Variants in ACE observed in about 807,000 individuals in gnomAD.
ACE encodes the protein angiotensin-converting enzyme.
ACE carries 122 observed loss-of-function variants against 162.3 expected under a neutral mutation model. That is an observed-to-expected ratio of 0.75 (90% CI 0.65 to 0.87). ACE has a LOEUF of 0.87. ACE is among the 40% of genes least tolerant of loss of function. The pLI is 0.00. For missense variants in ACE, 1,799 were observed against 1,735.1 expected (o/e 1.04, Z -0.65); for synonymous variants, 796 against 720.6 (o/e 1.10, Z -1.68).
chr17:63,495,489 G>A (rs2030672216), intron 22 of ACE, among the ~76,000 whole-genome samples: 1 of 152,220 alleles, frequency 6.6e-6, no homozygotes, highest in African/African-American at 2.4e-5. Flanking sequence ...ACATCATCAA[G>A]TGCTAATAAC....
In ACE at chr17:63,477,144, C is replaced by A. The variant is rs1441805434; in HGVS notation, c.50C>A (p.Pro17Gln). 3.5e-6 allele frequency: 5 copies of A among 1,438,558 alleles called. No individual in the cohort carries two copies. The highest frequency in any genetic ancestry group is 4.6e-6 in the Non-Finnish European group (5 of 1,095,900). 89.1% of individuals were successfully genotyped at this position (1,438,558 alleles called of 1,614,324 possible). A position where few individuals can be genotyped will look rare whatever the true frequency, so the allele number is the denominator to read the frequency against. ...GGGCCGGGGCTGCTGCTGCCGCTGC[C>A]GCTGCTGTTGCTGCTGCCGCCGCAG... ...RRGPGLLLPLPLLLLLPPQPA... is the reference protein window; with the variant it reads ...RRGPGLLLPLQLLLLLPPQPA... Residue 17 changes from proline to glutamine, a missense_variant, in exon 1 of 25, where the codon CCG becomes CAG. Coordinates refer to ENST00000290866, the MANE Select transcript of ACE (RefSeq NM_000789.4).
At chr17:63,483,737 A>C in intron 10 of ACE, 112 bp from the exon 11 acceptor site, 1 of 1,582,080 alleles carries the variant, frequency 6.3e-7, no homozygotes, top group South Asian at 1.1e-5. Flanking sequence ...TTCTCCCCCA[A>C]GATAGCTTCT....
At position 63,491,085 on chromosome 17, in the gene ACE, C is replaced by A; in HGVS notation, c.2739+34C>A. The A allele has an allele frequency of 6.2e-7, 1 of 1,612,360 alleles. No homozygotes were observed. The highest frequency in any genetic ancestry group is 1.1e-5 in the South Asian group (1 of 91,012). Reference sequence around the variant, plus strand: ...CAGCCCAGGGGCAGGGAGGCCCCGCCGGGATGGGAGGGACCCTCTGATTCA... The same window carrying A: ...CAGCCCAGGGGCAGGGAGGCCCCGCAGGGATGGGAGGGACCCTCTGATTCA... On this transcript the variant is annotated intron_variant, in intron 18 of 24. Coordinates refer to ENST00000290866, the MANE Select transcript of ACE (RefSeq NM_000789.4). This position sits in a 1 kb window ranked among gnomAD's most constrained non-coding sequence, Gnocchi z 4.4.
intron 15 of ACE, among the ~76,000 whole-genome samples, chr17:63,487,783 G>C (rs2030067690): frequency 6.6e-6 from 1 of 152,144 alleles, no homozygotes; most frequent in Non-Finnish European, 1.5e-5. Context: ...CTTCCATGAG[G>C]AATCTCCACC....
Position 63,477,322 on chromosome 17 carries a change from C to T in ACE, c.228C>T (p.Thr76=), listed in dbSNP as rs753783787. Residue 76 remains threonine, a synonymous_variant, in exon 1 of 25, where the codon ACC becomes ACT. Coordinates refer to ENST00000290866, the MANE Select transcript of ACE (RefSeq NM_000789.4). ...AASWAHDTNI[T]AENARRQEEA... ...GCTGGGCGCACGACACCAACATCAC[C>T]GCGGAGAATGCAAGGCGCCAGGTGG... 2 of 1,377,894 alleles carry T rather than the reference C, an allele frequency of 1.5e-6. No individual in the cohort carries two copies. The highest frequency in any genetic ancestry group is 1.9e-6 in the Non-Finnish European group (2 of 1,053,946). The allele number at this position is 1,377,894 out of a possible 1,614,324, so 85.4% of individuals were successfully genotyped here. A position where few individuals can be genotyped will look rare whatever the true frequency, so the allele number is the denominator to read the frequency against.
intron 24 of ACE, 24 bp downstream of exon 24, chr17:63,497,009 A>C (rs867368739): frequency 1.6e-5 from 24 of 1,510,540 alleles, no homozygotes; most frequent in Middle Eastern, 2.4e-4. Flanking sequence ...CCCCACCTCC[A>C]GCCTTGGGTC....
chr17:63,484,762 T>C lies in ACE; in HGVS notation c.1921+221T>C. ...GGGTGTGCTCAGACCTGAGGGCCCC[T>C]CCCCTTCCAGAGGAAGCCAGACACA... On this transcript the variant is annotated intron_variant, in intron 12 of 24. Coordinates refer to ENST00000290866, the MANE Select transcript of ACE (RefSeq NM_000789.4). This position sits in a 1 kb window ranked among gnomAD's most constrained non-coding sequence, Gnocchi z 4.0. 6.8e-7 allele frequency: 1 copy of C among 1,471,268 alleles called. No homozygotes were observed. The highest frequency in any genetic ancestry group is 9.0e-7 in the Non-Finnish European group (1 of 1,113,650). The allele number at this position is 1,471,268 out of a possible 1,614,324, so 91.1% of individuals were successfully genotyped here. A position where few individuals can be genotyped will look rare whatever the true frequency, so the allele number is the denominator to read the frequency against.
At chr17:63,480,562 A>T (rs1254664896) in intron 5 of ACE, 34 bp downstream of exon 5, 2 of 1,610,864 alleles carry the variant, frequency 1.2e-6, no homozygotes, top group Non-Finnish European at 1.7e-6. Context: ...CATGAGTCCC[A>T]CGGAAGTGTG....
intron 10 of ACE, 39 bp downstream of exon 10, chr17:63,483,597 A>G (rs775906127): frequency 1.7e-6 from 2 of 1,152,192 alleles, no homozygotes; most frequent in African/African-American, 4.3e-5. Flanking sequence ...CAGTACTGTC[A>G]CACCCTCAAT....
intron 13 of ACE, chr17:63,485,593 C>G: frequency 1.8e-6 from 1 of 563,630 alleles, no homozygotes; most frequent in South Asian, 1.7e-5. Flanking sequence ...CTGGCTAACA[C>G]GGTGAAACCC....
At chr17:63,480,039 G>C (rs2049681010) in intron 4 of ACE, 127 bp downstream of exon 4, 17 of 1,425,372 alleles carry the variant, frequency 1.2e-5, no homozygotes, top group Non-Finnish European at 1.6e-5. Flanking sequence ...GAGTTTCCCA[G>C]AAAGTGGAGG....
At chr17:63,480,555 G>T in intron 5 of ACE, 27 bp downstream of exon 5, 1 of 1,611,986 alleles carries the variant, frequency 6.2e-7, no homozygotes, top group South Asian at 1.1e-5. Context: ...GCCTCCACAT[G>T]AGTCCCACGG....
Position 63,480,378 on chromosome 17 carries a change from TC to T in ACE, c.702del (p.Thr235ProfsTer13). The T allele has an allele frequency of 1.2e-6, 2 of 1,613,848 alleles. No homozygotes were observed. Among genetic ancestry groups the T allele is most frequent in the Non-Finnish European group, 1.7e-6 (2 of 1,180,000 alleles). The part of the protein sequence containing the change: ...TGAYWRSWYN[S>X]PTFEDDLEHL... The stretch of plus-strand genomic sequence containing the variant: ...GGCCTACTGGCGCTCCTGGTACAAC[TC>T]CCCCACCTTCGAGGACGATCTGGAA... On this transcript the variant is annotated frameshift_variant, in exon 5 of 25. Coordinates refer to ENST00000290866, the MANE Select transcript of ACE (RefSeq NM_000789.4). LOFTEE classifies it high-confidence loss of function.
chr17:63,496,710 T>C (rs1464917281), intron 23 of ACE, 88 bp from the exon 24 acceptor site: 4 of 1,593,554 alleles, frequency 2.5e-6, no homozygotes, highest in Non-Finnish European at 3.4e-6. Context: ...AAGTTTCAGC[T>C]GGGAGTGGGT....
chr17:63,478,014 C>CT lies in ACE; in HGVS notation c.335dup (p.Thr113HisfsTer24), dbSNP rs1232118105. On this transcript the variant is annotated frameshift_variant, in exon 2 of 25. Transcript: ENST00000290866. LOFTEE classifies it high-confidence loss of function. ...AGCTGTATGAACCGATCTGGCAGAA[C>CT]TTCACGGACCCGCAGCTGCGCAGGA... 1.2e-6 allele frequency: 2 copies of CT among 1,610,930 alleles called. No homozygotes were observed. Among genetic ancestry groups the CT allele is most frequent in the Non-Finnish European group, 1.7e-6 (2 of 1,178,998 alleles).
intron 7 of ACE, among the ~76,000 whole-genome samples, 166 bp from the exon 8 acceptor site, chr17:63,482,300 C>CAA (rs59148455): frequency 1.7e-3 from 234 of 140,992 alleles, no homozygotes; most frequent in African/African-American, 5.8e-3. Context: ...GACGCTGTCT[C>CAA]AAAAAAAAAA....
chr17:63,488,778 T>A lies in ACE; in HGVS notation c.2436T>A (p.Ala812=). ...AATACGTGGAACTCATCAACCAGGC[T>A]GCCCGGCTCAATGGTGAGTCCCTGC... ...YPKYVELINQ[A]ARLNGYVDAG... Residue 812 remains alanine, a synonymous_variant, in exon 16 of 25, where the codon GCT becomes GCA. Transcript: ENST00000290866. 1.2e-6 allele frequency: 2 copies of A among 1,614,026 alleles called. No homozygotes were observed. The highest frequency in any genetic ancestry group is 1.7e-6 in the Non-Finnish European group (2 of 1,180,034).
chr17:63,487,956 C>A (rs957869658), intron 15 of ACE, among the ~76,000 whole-genome samples: 1 of 152,136 alleles, frequency 6.6e-6, no homozygotes, highest in Non-Finnish European at 1.5e-5. Context: ...GGAGGCTGGC[C>A]GGGTGTGGTG....
At position 63,491,289 on chromosome 17, in the gene ACE, C is replaced by G. The variant is rs975148117; in HGVS notation, c.2820C>G (p.Phe940Leu). ...SLGLLPVPPE[F>L]WNKSMLEKPT... ...GGCTGCTGCCCGTGCCTCCTGAGTT[C>G]TGGAACAAGTCGATGCTGGAGAAGC... Residue 940 changes from phenylalanine to leucine, a missense_variant, in exon 19 of 25, where the codon TTC becomes TTG. Transcript: ENST00000290866. The surrounding 1 kb of genome is among the most constrained non-coding windows in gnomAD (Gnocchi z 4.4). 6.2e-7 allele frequency: 1 copy of G among 1,614,194 alleles called. No homozygotes were observed. Among genetic ancestry groups the G allele is most frequent in the Non-Finnish European group, 8.5e-7 (1 of 1,180,048 alleles).
Sources: allele counts gnomAD v4.1 joint callset (sites outside exome capture counted in the v4.1 genomes callset), GRCh38; gene constraint gnomAD v4.1.1; non-coding constraint Gnocchi (gnomAD v3.1); transcripts MANE v1.5; gene names NCBI Gene and HGNC (gene_info 2026-07-23, HGNC 2026-07-21).